RANBP2: variants seen among roughly 807,000 people sequenced by gnomAD.
RANBP2 encodes the protein RAN binding protein 2.
RANBP2 carries 57 observed loss-of-function variants against 303.6 expected under a neutral mutation model. The observed-to-expected ratio is 0.19, with a 90% CI of 0.15 to 0.23. The LOEUF is 0.23. RANBP2 is among the 10% of genes least tolerant of loss of function. The pLI, the probability that RANBP2 is intolerant of heterozygous loss-of-function variation, is 1.00. For missense variants in RANBP2, 3,138 were observed against 3,780.8 expected, an observed-to-expected ratio of 0.83 and a Z score of 4.46; for synonymous variants, 1,167 against 1,301.5, an observed-to-expected ratio of 0.90 and a Z score of 2.23.
chr2:109,471,205 TCA>T, the RANBP2 span, among the ~76,000 whole-genome samples: 1 of 58,878 alleles, frequency 1.7e-5, no homozygotes, highest in African/African-American at 1.2e-4. Flanking sequence ...AGACTCTGTC[TCA>T]AAAAAAAAAA....
At chr2:108,901,988 C>T in the RANBP2 span, among the ~76,000 whole-genome samples, 6 of 152,052 alleles carry the variant, frequency 3.9e-5, no homozygotes, top group African/African-American at 1.2e-4. Flanking sequence ...GCCTGTAATC[C>T]CAGCACTTTG....
the RANBP2 span, chr2:108,882,168 G>GA: frequency 3.3e-5 from 5 of 149,676 alleles, no homozygotes; most frequent in Non-Finnish European, 5.9e-5. Context: ...AAAAAAAAAA[G>GA]AAAAAATAGA....
the RANBP2 span, among the ~76,000 whole-genome samples, chr2:108,848,430 C>G: frequency 4.0e-5 from 6 of 151,878 alleles, no homozygotes; most frequent in African/African-American, 1.5e-4. Context: ...CGAGGGCTTT[C>G]AAAGAAATAT....
chr2:108,787,010 C>G, downstream of RANBP2: 1 of 784,272 alleles, frequency 1.3e-6, no homozygotes, highest in South Asian at 4.5e-5. Context: ...CGCGCAGCGG[C>G]TCTGGTCCCG....
At chr2:109,514,281 G>C in the RANBP2 span, among the ~76,000 whole-genome samples, 1 of 152,312 alleles carries the variant, frequency 6.6e-6, no homozygotes, top group South Asian at 2.1e-4. Context: ...GCTCTGAGCT[G>C]GTAAATACGG....
At chr2:109,303,171 C>T in the RANBP2 span, among the ~76,000 whole-genome samples, 372 of 152,308 alleles carry the variant, frequency 2.4e-3, 2 homozygotes, top group Non-Finnish European at 3.8e-3. Flanking sequence ...CCACCGCGCC[C>T]GGCCGATCTC....
the RANBP2 span, chr2:109,449,128 A>G: frequency 6.3e-6 from 10 of 1,591,600 alleles, no homozygotes; most frequent in African/African-American, 8.1e-5. Flanking sequence ...GCAAGTTGCA[A>G]ACTAACCTTT....
At chr2:109,128,649 T>G in the RANBP2 span, 1 of 158,612 alleles carries the variant, frequency 6.3e-6, no homozygotes, top group Non-Finnish European at 1.4e-5. Context: ...CTCCGGGGGG[T>G]CGTCGGGGAG....
the RANBP2 span, among the ~76,000 whole-genome samples, chr2:109,693,714 A>G: frequency 6.6e-6 from 1 of 152,240 alleles, no homozygotes; most frequent in African/African-American, 2.4e-5. Flanking sequence ...CATGTCAGGT[A>G]TGTCTTTATC....
chr2:108,998,642 G>A, the RANBP2 span, among the ~76,000 whole-genome samples: 1 of 151,988 alleles, frequency 6.6e-6, no homozygotes, highest in Non-Finnish European at 1.5e-5. Flanking sequence ...TGCAAACTCC[G>A]AGCCCCAGCC....
chr2:108,789,661 T>C (rs1679575959), downstream of RANBP2, among the ~76,000 whole-genome samples: 1 of 152,134 alleles, frequency 6.6e-6, no homozygotes, highest in Non-Finnish European at 1.5e-5. Flanking sequence ...TTTTACTATC[T>C]CTGGTGTGTC....
At chr2:109,637,485 G>A in the RANBP2 span, among the ~76,000 whole-genome samples, 45 of 152,296 alleles carry the variant, frequency 3.0e-4, 1 homozygote, top group East Asian at 7.9e-3. Context: ...CTATCACATG[G>A]GGAGAAACCT....
At chr2:109,629,302 GATATATATATAT>G in the RANBP2 span, among the ~76,000 whole-genome samples, 395 of 77,486 alleles carry the variant, frequency 5.1e-3, 8 homozygotes, top group East Asian at 0.017. Context: ...CTGGCCTAAA[GATATATATATAT>G]ATATATATAT....
the RANBP2 span, among the ~76,000 whole-genome samples, chr2:109,110,711 A>C: frequency 6.6e-6 from 1 of 152,188 alleles, no homozygotes; most frequent in Non-Finnish European, 1.5e-5. Flanking sequence ...GTCACTAAAA[A>C]ATTTCATGTT....
At chr2:109,761,376 G>T in the RANBP2 span, among the ~76,000 whole-genome samples, 2 of 150,810 alleles carry the variant, frequency 1.3e-5, no homozygotes, top group Admixed American at 1.3e-4. Flanking sequence ...TCCTTTCCTC[G>T]GGGTTCACAG....
chr2:109,616,285 C>A, the RANBP2 span: 2 of 525,070 alleles, frequency 3.8e-6, no homozygotes, highest in Non-Finnish European at 2.9e-6. Context: ...TCTTCTCTGC[C>A]CTCCACTTCC....
chr2:108,815,857 T>G, the RANBP2 span: 1 of 1,126,712 alleles, frequency 8.9e-7, no homozygotes, highest in South Asian at 1.5e-5. Context: ...CAAATTATTC[T>G]TATTACTTAA....
At chr2:109,077,525 C>T in the RANBP2 span, among the ~76,000 whole-genome samples, 1 of 131,862 alleles carries the variant, frequency 7.6e-6, no homozygotes, top group Admixed American at 7.3e-5. Context: ...GAAAAAGCAA[C>T]CAACAGAATG....
chr2:109,369,510 C>G, the RANBP2 span, among the ~76,000 whole-genome samples: 1 of 152,054 alleles, frequency 6.6e-6, no homozygotes, highest in African/African-American at 2.4e-5. Flanking sequence ...CCTATAATGT[C>G]AGTTGGAAAA....
Sources: gnomAD v4.1 joint callset for allele counts (sites outside exome capture counted in the v4.1 genomes callset) on GRCh38, gnomAD v4.1.1 for gene constraint, MANE v1.5 for transcripts, NCBI Gene and HGNC (gene_info 2026-07-23, HGNC 2026-07-21) for gene names.